Variants in CALCOCO2 observed in about 807,000 individuals in gnomAD.
CALCOCO2 encodes calcium-binding and coiled-coil domain-containing protein 2.
In CALCOCO2, 42 loss-of-function variants were observed where a neutral mutation model predicts 62.5. The observed-to-expected ratio is 0.67, with a 90% confidence interval of 0.53 to 0.87. The LOEUF (loss-of-function observed/expected upper bound fraction) is 0.87. CALCOCO2 is among the 40% of genes least tolerant of loss of function. The probability of loss-of-function intolerance (pLI) is 0.00; values close to 1 mark genes in which losing one functional copy is unlikely to be tolerated. For synonymous variants in CALCOCO2, 167 were observed against 173.0 expected, an observed-to-expected ratio of 0.97 and a Z score of 0.27; for missense variants, 456 against 515.0, an observed-to-expected ratio of 0.89 and a Z score of 1.11.
At chr17:48,832,826 C>T (rs536587561) in intron 1 of CALCOCO2, among the ~76,000 whole-genome samples, 1 of 152,254 alleles carries the variant, frequency 6.6e-6, no homozygotes, top group African/African-American at 2.4e-5. Context: ...TCCAGTTGCC[C>T]GCACCTGATG....
intron 1 of CALCOCO2, among the ~76,000 whole-genome samples, chr17:48,838,781 C>A (rs1156449790): frequency 6.6e-6 from 1 of 151,990 alleles, no homozygotes; most frequent in African/African-American, 2.4e-5. Flanking sequence ...CAGCATATAC[C>A]AATAGCTGAA....
intron 2 of CALCOCO2, among the ~76,000 whole-genome samples, chr17:48,847,312 A>G (rs140401495): frequency 6.6e-6 from 1 of 152,268 alleles, no homozygotes; most frequent in East Asian, 1.9e-4. Context: ...GGACACACCA[A>G]TAGAGAGGGC....
chr17:48,845,292 G>A (rs1196447109), intron 2 of CALCOCO2, among the ~76,000 whole-genome samples: 1 of 150,822 alleles, frequency 6.6e-6, no homozygotes, highest in African/African-American at 2.4e-5. Context: ...CCTACCCTGA[G>A]GACACACTAT....
At chr17:48,855,480 A>G (rs998826545) in intron 9 of CALCOCO2, among the ~76,000 whole-genome samples, 2 of 152,210 alleles carry the variant, frequency 1.3e-5, no homozygotes, top group Admixed American at 6.5e-5. Flanking sequence ...TTTGTGAGGT[A>G]TGCACATGTG....
chr17:48,853,106 A>G, intron 9 of CALCOCO2, 94 bp downstream of exon 9: 1 of 802,460 alleles, frequency 1.2e-6, no homozygotes, highest in South Asian at 1.5e-5. Flanking sequence ...GGACAGGATA[A>G]ATAAGAGAGT....
At chr17:48,846,140 A>G in intron 2 of CALCOCO2, 2 of 965,450 alleles carry the variant, frequency 2.1e-6, no homozygotes, top group Non-Finnish European at 3.0e-6. Flanking sequence ...TATTTTTTAA[A>G]ATTTATTTTA....
chr17:48,845,990 T>C, intron 2 of CALCOCO2: 2 of 846,816 alleles, frequency 2.4e-6, no homozygotes, highest in South Asian at 1.7e-5. Context: ...TAAAGTTTCG[T>C]CCTTTGCAGC....
chr17:48,831,414 C>A (rs1201834098), intron 1 of CALCOCO2: 1 of 152,266 alleles, frequency 6.6e-6, no homozygotes, highest in African/African-American at 2.4e-5. Flanking sequence ...CCCGTCCCCT[C>A]CCGCGGGCCC....
At chr17:48,862,718 A>C in intron 12 of CALCOCO2, 120 bp from the exon 13 acceptor site, 1 of 758,112 alleles carries the variant, frequency 1.3e-6, no homozygotes, top group East Asian at 2.5e-5. Context: ...CTATTTCTTG[A>C]GTGCCTAACC....
chr17:48,834,262 G>T (rs990722969), intron 1 of CALCOCO2, among the ~76,000 whole-genome samples: 1 of 152,068 alleles, frequency 6.6e-6, no homozygotes, highest in Non-Finnish European at 1.5e-5. Context: ...GATGTGTCAG[G>T]TTTTCTTGGA....
At chr17:48,859,892 C>T (rs1305870834) in intron 10 of CALCOCO2, among the ~76,000 whole-genome samples, 1 of 152,060 alleles carries the variant, frequency 6.6e-6, no homozygotes, top group African/African-American at 2.4e-5. Flanking sequence ...GTCAGGAGTT[C>T]GAGACCAGCC....
intron 4 of CALCOCO2, 35 bp downstream of exon 4, chr17:48,848,490 C>T (rs749453140): frequency 1.3e-6 from 2 of 1,594,024 alleles, no homozygotes; most frequent in Non-Finnish European, 1.7e-6. Flanking sequence ...CCCTTACTGC[C>T]ATTACGGGTA....
chr17:48,851,852 C>A (rs2040135603), intron 7 of CALCOCO2, among the ~76,000 whole-genome samples: 1 of 152,062 alleles, frequency 6.6e-6, no homozygotes, highest in Non-Finnish European at 1.5e-5. Context: ...TGATTCACAG[C>A]CGGGCGCAGT....
intron 10 of CALCOCO2, among the ~76,000 whole-genome samples, chr17:48,859,045 C>CA (rs61643790): frequency 0.014 from 486 of 35,634 alleles, 102 homozygotes; most frequent in African/African-American, 0.037. Context: ...GACTCTGTCT[C>CA]AAAAAAAAAA....
intron 2 of CALCOCO2, among the ~76,000 whole-genome samples, chr17:48,844,730 C>G (rs967583559): frequency 1.3e-5 from 2 of 152,148 alleles, no homozygotes; most frequent in Non-Finnish European, 2.9e-5. Context: ...GTTGGCCAGG[C>G]TGGTCTGGAA....
chr17:48,856,024 A>G (rs1474098440), intron 9 of CALCOCO2, 68 bp from the exon 10 acceptor site: 2 of 731,970 alleles, frequency 2.7e-6, no homozygotes, highest in African/African-American at 3.5e-5. Flanking sequence ...CAGATTCTCT[A>G]CAATTTCTCA....
intron 2 of CALCOCO2, among the ~76,000 whole-genome samples, chr17:48,845,880 G>A (rs1234727410): frequency 3.3e-5 from 5 of 152,038 alleles, no homozygotes; most frequent in South Asian, 2.1e-4. Context: ...TGAATAAGCC[G>A]TGAAGCAGGT....
In CALCOCO2 at chr17:48,848,106, G is replaced by A. The variant is rs751043237; in HGVS notation, c.223G>A (p.Val75Ile). The stretch of plus-strand genomic sequence containing the variant: ...CCGTGAGTATTACACCTTCATGTGG[G>A]TTACTTTGCCCATTGACCTAAACAA... ...TTREYYTFMW[V>I]TLPIDLNNKS... The change falls in exon 3 of 13, where the codon GTT becomes ATT. Residue 75 changes from valine (V) to isoleucine (I), a missense_variant. Physicochemically the swap from Val to Ile is conservative, Grantham distance 29. Transcript: ENST00000258947. 6.2e-7 allele frequency: 1 copy of A among 1,613,484 alleles called. No individual in the cohort carries two copies.
At chr17:48,844,426 A>T (rs538982050) in intron 2 of CALCOCO2, among the ~76,000 whole-genome samples, 13 of 151,932 alleles carry the variant, frequency 8.6e-5, no homozygotes, top group South Asian at 8.3e-4. Context: ...ACCAGTAAAG[A>T]CTTCACCATA....
Sources: allele counts gnomAD v4.1 joint callset (sites outside exome capture counted in the v4.1 genomes callset), GRCh38; gene constraint gnomAD v4.1.1; transcripts MANE v1.5; gene names NCBI Gene and HGNC (gene_info 2026-07-23, HGNC 2026-07-21).